Variants in PADI4 observed in about 807,000 individuals in gnomAD.
The protein encoded by PADI4 is protein-arginine deiminase type-4.
Under a neutral mutation model 75.0 loss-of-function variants are expected in PADI4, and 62 were observed. That is an observed-to-expected ratio of 0.83 (90% CI 0.67 to 1.02). PADI4 has a LOEUF of 1.02. Ranked by LOEUF, PADI4 falls within the 50% of genes least tolerant of loss-of-function variation. The pLI is 0.00. For missense variants in PADI4, 845 were observed against 850.5 expected (o/e 0.99, Z 0.08); for synonymous variants, 361 against 348.1 (o/e 1.04, Z -0.41).
At chr1:17,322,077 C>A (rs141441756) in intron 1 of PADI4, among the ~76,000 whole-genome samples, 1 of 152,130 alleles carries the variant, frequency 6.6e-6, no homozygotes, top group South Asian at 2.1e-4. Context: ...ATAAATATAG[C>A]GGAGAGGAAG....
chr1:17,342,362 A>AC lies in PADI4; in HGVS notation c.900dup (p.Asn301GlnfsTer15). On this transcript the variant is annotated frameshift_variant, in exon 8 of 16. Coordinates refer to ENST00000375448, the MANE Select transcript of PADI4 (RefSeq NM_012387.3). LOFTEE classifies it high-confidence loss of function. ...CTTCCGCGTGGCGCCCTGGATCATG[A>AC]CCCCCAACACCCAGCCCCCGCAGGA... The AC allele has an allele frequency of 6.2e-7, 1 of 1,613,156 alleles. No individual in the cohort carries two copies. Among genetic ancestry groups the AC allele is most frequent in the Middle Eastern group, 1.7e-4 (1 of 6,054 alleles).
chr1:17,323,183 A>G (rs1477767058), intron 1 of PADI4, among the ~76,000 whole-genome samples: 2 of 152,210 alleles, frequency 1.3e-5, no homozygotes, highest in African/African-American at 2.4e-5. Flanking sequence ...GTTTCCTGCC[A>G]CATTGGCCTC....
chr1:17,338,215 G>C, intron 5 of PADI4, 60 bp downstream of exon 5: 1 of 1,037,504 alleles, frequency 9.6e-7, no homozygotes, highest in Non-Finnish European at 1.5e-6. Flanking sequence ...TGCCCACATA[G>C]CCTGAACCTG....
rs750079589 is a variant in PADI4, at chr1:17,354,585, G to A, written c.1208G>A (p.Gly403Glu). The A allele has an allele frequency of 2.5e-6, 4 of 1,614,130 alleles. No individual in the cohort carries two copies. In the Admixed American group the frequency reaches 5.0e-5, roughly 20 times the overall value. The part of the protein sequence containing the change: ...TRGPQTGGIS[G>E]LDSFGNLEVS... Reference sequence around the variant, plus strand: ...GGGCCCCAAACAGGGGGTATCAGTGGACTGGACTCCTTTGGGAACCTGGAA... The same window carrying A: ...GGGCCCCAAACAGGGGGTATCAGTGAACTGGACTCCTTTGGGAACCTGGAA... The change falls in exon 11 of 16, where the codon GGA becomes GAA. Residue 403 changes from glycine (G) to glutamate (E), a missense_variant. Gly to Glu is a moderately conservative substitution (Grantham distance 98). Transcript: ENST00000375448.
chr1:17,327,100 A>G (rs2074128604), intron 1 of PADI4, among the ~76,000 whole-genome samples: 1 of 151,934 alleles, frequency 6.6e-6, no homozygotes. Context: ...TTTTGTAGAG[A>G]TGGGGTTTTA....
At chr1:17,338,758 C>G (rs2074362705) in intron 5 of PADI4, among the ~76,000 whole-genome samples, 1 of 152,204 alleles carries the variant, frequency 6.6e-6, no homozygotes, top group Admixed American at 6.5e-5. Context: ...AACCTCTGGG[C>G]TGCTAAGGGG....
intron 4 of PADI4, 115 bp from the exon 5 acceptor site, chr1:17,337,923 A>G (rs1482684816): frequency 2.3e-6 from 1 of 435,788 alleles, no homozygotes; most frequent in African/African-American, 2.1e-5. Context: ...CAAAAAAATA[A>G]TAAATAAATA....
intron 2 of PADI4, 83 bp from the exon 3 acceptor site, chr1:17,333,860 C>T (rs932339296): frequency 1.8e-5 from 19 of 1,057,076 alleles, no homozygotes; most frequent in Admixed American, 3.5e-5. Context: ...CAGTGCCCTA[C>T]CCTGAGCCGG....
chr1:17,320,114 T>C (rs2074009061), intron 1 of PADI4, among the ~76,000 whole-genome samples: 1 of 152,224 alleles, frequency 6.6e-6, no homozygotes, highest in South Asian at 2.1e-4. Context: ...AAGGCTGTAT[T>C]CCTTCTGGAA....
chr1:17,347,150 T>G (rs2074531472), intron 9 of PADI4, among the ~76,000 whole-genome samples: 1 of 152,166 alleles, frequency 6.6e-6, no homozygotes, highest in Non-Finnish European at 1.5e-5. Context: ...TTGGTCAGGC[T>G]GGTCTCGAAC....
intron 13 of PADI4, 45 bp from the exon 14 acceptor site, chr1:17,358,793 G>A (rs780970817): frequency 1.5e-6 from 2 of 1,320,848 alleles, no homozygotes; most frequent in Non-Finnish European, 2.1e-6. Flanking sequence ...GAGGGAAATC[G>A]ACCTCTAAGT....
intron 2 of PADI4, among the ~76,000 whole-genome samples, chr1:17,332,453 T>C (rs2074231572): frequency 1.3e-5 from 2 of 152,140 alleles, no homozygotes; most frequent in South Asian, 4.1e-4. Context: ...TTTCACCATG[T>C]TGGTCAGGCT....
At position 17,308,354 on chromosome 1, in the gene PADI4, G is replaced by A. The variant is rs767587110; in HGVS notation, c.92+40G>A. 6 of 1,496,068 alleles carry A rather than the reference G, an allele frequency of 4.0e-6. No individual in the cohort carries two copies. The Admixed American group carries it at 5.0e-5, about 13-fold the overall frequency. The allele number at this position is 1,496,068 out of a possible 1,614,324, so 92.7% of individuals were successfully genotyped here. A position where few individuals can be genotyped will look rare whatever the true frequency, so the allele number is the denominator to read the frequency against. ...TTCTGGGGTTTTGGAGGCAGGTCAG[G>A]AGATGCTGGATGACCCAGTTCTACT... is the stretch of plus-strand genomic sequence containing the variant. On this transcript the variant is annotated intron_variant, in intron 1 of 15. Transcript: ENST00000375448.
Position 17,347,998 on chromosome 1 carries a change from G to C in PADI4, c.1105G>C (p.Asp369His). ...ACACAAAACGCTGCCCGTGGTCTTC[G>C]ACTCTCCAAGGAACAGAGGCCTGAA... ...APHKTLPVVF[D>H]SPRNRGLKEF... The change falls in exon 10 of 16, where the codon GAC becomes CAC. Residue 369 changes from aspartate (D) to histidine (H), a missense_variant. By Grantham distance (81) the Asp-to-His change is moderately conservative. Transcript: ENST00000375448. The C allele has an allele frequency of 6.2e-7, 1 of 1,609,794 alleles. No individual in the cohort carries two copies. Among genetic ancestry groups the C allele is most frequent in the Non-Finnish European group, 8.5e-7 (1 of 1,177,274 alleles).
intron 10 of PADI4, among the ~76,000 whole-genome samples, chr1:17,352,324 G>A (rs1004393479): frequency 1.4e-4 from 22 of 151,944 alleles, no homozygotes; most frequent in Admixed American, 7.9e-4. Context: ...GGGAAGGGAC[G>A]GGATGACCGG....
intron 8 of PADI4, among the ~76,000 whole-genome samples, chr1:17,343,641 T>C (rs2074462699): frequency 6.6e-6 from 1 of 152,178 alleles, no homozygotes; most frequent in African/African-American, 2.4e-5. Flanking sequence ...TGGGAGATAA[T>C]TTGAATCATG....
At chr1:17,324,682 G>T (rs998005340) in intron 1 of PADI4, among the ~76,000 whole-genome samples, 1 of 152,094 alleles carries the variant, frequency 6.6e-6, no homozygotes, top group Admixed American at 6.5e-5. Flanking sequence ...CAGGTTTACT[G>T]GTTTTGAGTC....
At chr1:17,323,923 C>A (rs1390754185) in intron 1 of PADI4, among the ~76,000 whole-genome samples, 1 of 151,944 alleles carries the variant, frequency 6.6e-6, no homozygotes, top group South Asian at 2.1e-4. Context: ...CTTATGTGGA[C>A]GGAGTTCTGC....
At position 17,335,455 on chromosome 1, in the gene PADI4, C is replaced by T. The variant is rs190408452; in HGVS notation, c.341-704C>T. 1.1e-4 allele frequency among the ~76,000 whole-genome samples: 16 copies of T among 152,286 alleles called. No individual in the cohort carries two copies. The East Asian group carries it at 2.7e-3, about 26-fold the overall frequency. ...TCCAGGCCACGAAAGGACAATGCTTCCCCGGCCCTAACTAAGACGTGGCTA... is the reference window on the plus strand; with the variant it reads ...TCCAGGCCACGAAAGGACAATGCTTTCCCGGCCCTAACTAAGACGTGGCTA... On this transcript the variant is annotated intron_variant, in intron 3 of 15. Transcript: ENST00000375448.
Sources: gnomAD v4.1 joint callset for allele counts (sites outside exome capture counted in the v4.1 genomes callset) on GRCh38, gnomAD v4.1.1 for gene constraint, MANE v1.5 for transcripts, NCBI Gene and HGNC (gene_info 2026-07-23, HGNC 2026-07-21) for gene names.